The following LRIT3 variants were observed in gnomAD, a reference collection of about 807,000 sequenced individuals.
LRIT3 encodes leucine rich repeat, Ig-like and transmembrane domains 3, also known as leucine-rich repeat, immunoglobulin-like domain and transmembrane domain-containing protein 3.
Under a neutral mutation model 22.6 loss-of-function variants are expected in LRIT3, and 14 were observed. That is an observed-to-expected ratio of 0.62 (90% CI 0.41 to 0.97). The LOEUF is 0.97. Among genes scored for constraint, LRIT3 ranks in the 50% least tolerant of loss-of-function variants. The pLI is 0.00. For missense variants in LRIT3, 783 were observed against 803.0 expected, an observed-to-expected ratio of 0.98 and a Z score of 0.30; for synonymous variants, 306 against 304.5, an observed-to-expected ratio of 1.01 and a Z score of -0.05.
At chr4:109,868,577 C>T (rs1291525471) in intron 3 of LRIT3, among the ~76,000 whole-genome samples, 13 of 138,734 alleles carry the variant, frequency 9.4e-5, no homozygotes, top group East Asian at 2.1e-4. Flanking sequence ...AAAAAAAGGA[C>T]GGGGGGCTTT....
chr4:109,857,852 C>T (rs1734439907), intron 2 of LRIT3, among the ~76,000 whole-genome samples: 1 of 152,214 alleles, frequency 6.6e-6, no homozygotes, highest in Non-Finnish European at 1.5e-5. Flanking sequence ...AGAGGACACA[C>T]AGGTCCTAAA....
intron 2 of LRIT3, among the ~76,000 whole-genome samples, chr4:109,860,693 T>C (rs1734515269): frequency 2.0e-5 from 3 of 152,200 alleles, no homozygotes; most frequent in Admixed American, 2.0e-4. Context: ...CTCAGAAAGT[T>C]CTGTGTTTCT....
At chr4:109,856,421 C>G (rs773122702) in intron 2 of LRIT3, among the ~76,000 whole-genome samples, 1 of 152,006 alleles carries the variant, frequency 6.6e-6, no homozygotes, top group African/African-American at 2.4e-5. Context: ...ACAAAATTAC[C>G]GATAGTGGAT....
In LRIT3 at chr4:109,870,865, T is replaced by G; in HGVS notation, c.*76T>G. ...TAATTGACCCTAGGTTTGGATGACT[T>G]TTGGACAGACTTTCACATTGTACAT... is the stretch of plus-strand genomic sequence containing the variant. On this transcript the variant is annotated 3_prime_UTR_variant, in exon 4 of 4. Transcript: ENST00000594814. 1 of 1,437,182 alleles carries G rather than the reference T, an allele frequency of 7.0e-7. No individual in the cohort carries two copies. The highest frequency in any genetic ancestry group is 9.3e-7 in the Non-Finnish European group (1 of 1,072,816). 89.0% of individuals were successfully genotyped at this position (1,437,182 alleles called of 1,614,324 possible).
In LRIT3 at chr4:109,870,022, A is replaced by G. The variant is rs138218384; in HGVS notation, c.1273A>G (p.Thr425Ala). 1 of 1,613,974 alleles carries G rather than the reference A, an allele frequency of 6.2e-7. No homozygotes were observed. The highest frequency in any genetic ancestry group is 8.5e-7 in the Non-Finnish European group (1 of 1,179,996). ...FSSSTVSSTT[T>A]LSTSISASTT... ...CTCCTCCACTGTTTCTTCAACCACA[A>G]CTCTGAGCACAAGCATCTCAGCAAG... The change falls in exon 4 of 4, where the codon ACT (threonine) becomes GCT (alanine). Residue 425 changes from threonine to alanine, a missense_variant. This residue lies in a region of LRIT3 where 756 missense variants were observed against 753.8 expected (regional missense o/e 1.00). Transcript: ENST00000594814.
intron 2 of LRIT3, among the ~76,000 whole-genome samples, chr4:109,862,514 G>C (rs1734571105): frequency 6.6e-6 from 1 of 152,168 alleles, no homozygotes; most frequent in African/African-American, 2.4e-5. Context: ...ATTTTTGAAG[G>C]ATTTAAAAAT....
At chr4:109,866,193 T>G (rs1734676267) in intron 2 of LRIT3, among the ~76,000 whole-genome samples, 1 of 151,532 alleles carries the variant, frequency 6.6e-6, no homozygotes, top group Non-Finnish European at 1.5e-5. Context: ...TCCAGCATGG[T>G]TAGAATTTGT....
At position 109,870,850 on chromosome 4, in the gene LRIT3, T is replaced by G; in HGVS notation, c.*61T>G. On this transcript the variant is annotated 3_prime_UTR_variant, in exon 4 of 4. Transcript: ENST00000594814. The stretch of plus-strand genomic sequence containing the variant: ...TAGCATCTAAGGGTATAATTGACCC[T>G]AGGTTTGGATGACTTTTGGACAGAC... 1 of 1,488,510 alleles carries G rather than the reference T, an allele frequency of 6.7e-7. No individual in the cohort carries two copies. Among genetic ancestry groups the G allele is most frequent in the Non-Finnish European group, 9.0e-7 (1 of 1,113,766 alleles). The allele number at this position is 1,488,510 out of a possible 1,614,324, so 92.2% of individuals were successfully genotyped here.
At chr4:109,856,651 G>A (rs543459969) in intron 2 of LRIT3, among the ~76,000 whole-genome samples, 9 of 152,250 alleles carry the variant, frequency 5.9e-5, no homozygotes, top group South Asian at 2.1e-4. Flanking sequence ...ATATTGGAAC[G>A]GAGCTATACA....
chr4:109,867,968 A>G (rs1734728053), intron 3 of LRIT3, 22 bp downstream of exon 3: 3 of 1,591,772 alleles, frequency 1.9e-6, no homozygotes, highest in South Asian at 1.1e-5. Flanking sequence ...ATTCAGCCCC[A>G]TGATCAAAGG....
chr4:109,853,645 G>A (rs1294345869), intron 2 of LRIT3, among the ~76,000 whole-genome samples: 1 of 152,110 alleles, frequency 6.6e-6, no homozygotes, highest in Non-Finnish European at 1.5e-5. Flanking sequence ...GCTTTTTGGT[G>A]TTTTAGTCAT....
intron 2 of LRIT3, among the ~76,000 whole-genome samples, chr4:109,856,412 C>T (rs1579375052): frequency 6.6e-6 from 1 of 152,056 alleles, no homozygotes; most frequent in African/African-American, 2.4e-5. Context: ...ATACACAGAA[C>T]AAAATTACCG....
At position 109,870,721 on chromosome 4, in the gene LRIT3, T is replaced by C; in HGVS notation, c.1972T>C (p.Ser658Pro). 6.2e-7 allele frequency: 1 copy of C among 1,614,056 alleles called. No homozygotes were observed. Among genetic ancestry groups the C allele is most frequent in the African/African-American group, 1.3e-5 (1 of 75,056 alleles). ...RDDSEKLLLC[S>P]RSSVESQVTF... Reference sequence around the variant, plus strand: ...TGACTCAGAGAAATTGCTGCTTTGTTCTAGGTCAAGTGTGGAATCTCAGGT... The same window carrying C: ...TGACTCAGAGAAATTGCTGCTTTGTCCTAGGTCAAGTGTGGAATCTCAGGT... Residue 658 changes from serine (S) to proline (P), a missense_variant, in exon 4 of 4, where the codon TCT (serine) becomes CCT (proline). This residue lies in a region of LRIT3 where 756 missense variants were observed against 753.8 expected (regional missense o/e 1.00). Transcript: ENST00000594814.
At chr4:109,868,551 T>TAAAAA (rs11387409) in intron 3 of LRIT3, among the ~76,000 whole-genome samples, 2 of 122,286 alleles carry the variant, frequency 1.6e-5, no homozygotes, top group South Asian at 2.7e-4. Flanking sequence ...AAGACTGTCT[T>TAAAAA]AAAAAAAAAA....
intron 1 of LRIT3, among the ~76,000 whole-genome samples, chr4:109,851,128 G>GAA (rs1410468892): frequency 6.6e-6 from 1 of 152,220 alleles, no homozygotes; most frequent in Non-Finnish European, 1.5e-5. Flanking sequence ...GTTACTGAAT[G>GAA]TTGGTGGGCC....
chr4:109,868,461 C>T (rs1486601791), intron 3 of LRIT3, among the ~76,000 whole-genome samples: 1 of 150,040 alleles, frequency 6.7e-6, no homozygotes, highest in East Asian at 2.0e-4. Flanking sequence ...ATCCCAGCTA[C>T]TCAGGAGGCT....
Position 109,871,310 on chromosome 4 carries a change from CATT to C in LRIT3, c.*524_*526del, listed in dbSNP as rs1734827952. 1 of 152,286 alleles carries C rather than the reference CATT, an allele frequency of 6.6e-6. No individual in the cohort carries two copies. Among genetic ancestry groups the C allele is most frequent in the African/African-American group, 2.4e-5 (1 of 41,376 alleles). The allele number at this position is 152,286 out of a possible 1,614,324, so 9.4% of individuals were successfully genotyped here. ...GAGAGAGGGCTCTGTCTCTTGGTAC[CATT>C]ATGCATTGTGATACTATAGAGTTGT... On this transcript the variant is annotated 3_prime_UTR_variant, in exon 4 of 4. Transcript: ENST00000594814.
chr4:109,870,397 T>C lies in LRIT3; in HGVS notation c.1648T>C (p.Tyr550His). Residue 550 changes from tyrosine to histidine, a missense_variant, in exon 4 of 4, where the codon TAC becomes CAC. Around this residue, in one of 2 missense-constraint regions of LRIT3, gnomAD observed 756 missense variants for 753.8 expected, o/e 1.00. Transcript: ENST00000594814. The part of the protein sequence containing the change: ...TIDGLEPGGQ[Y>H]MACVCPKGVP... ...AGATGGCTTGGAACCCGGTGGGCAA[T>C]ACATGGCCTGTGTCTGTCCAAAAGG... 1 of 1,614,132 alleles carries C rather than the reference T, an allele frequency of 6.2e-7. No individual in the cohort carries two copies. The highest frequency in any genetic ancestry group is 2.2e-5 in the East Asian group (1 of 44,882).
intron 3 of LRIT3, 92 bp from the exon 4 acceptor site, chr4:109,869,553 A>T (rs1734767348): frequency 2.4e-6 from 3 of 1,232,504 alleles, no homozygotes; most frequent in Admixed American, 2.4e-5. Context: ...GAGAGGATGC[A>T]TGTAGAGTGG....
Sources: allele counts gnomAD v4.1 joint callset (sites outside exome capture counted in the v4.1 genomes callset), GRCh38; gene constraint gnomAD v4.1.1; regional missense constraint gnomAD v4.1.1; transcripts MANE v1.5; gene names NCBI Gene and HGNC (gene_info 2026-07-23, HGNC 2026-07-21).